AATK: variants seen among roughly 807,000 people sequenced by gnomAD.
AATK encodes lemur tail kinase 1, also known as serine/threonine-protein kinase LMTK1.
A neutral mutation model predicts 114.3 loss-of-function variants in AATK; 91 were observed. The observed-to-expected ratio is 0.80, with a 90% confidence interval of 0.67 to 0.95. The LOEUF (loss-of-function observed/expected upper bound fraction) is 0.95, where lower values mean the gene tolerates loss of function less well. Ranked by LOEUF, AATK falls within the 40% of genes least tolerant of loss-of-function variation. The pLI is 0.00. For synonymous variants in AATK, 1,075 were observed against 916.5 expected, an observed-to-expected ratio of 1.17 and a Z score of -3.12; for missense variants, 2,176 against 1,965.2, an observed-to-expected ratio of 1.11 and a Z score of -2.03.
rs1056728875 is a variant in AATK at position 81,166,084 on chromosome 17, G to A, written c.-92C>T. 5 of 884,368 alleles carry A rather than the reference G, an allele frequency of 5.7e-6. No homozygotes were observed. Among genetic ancestry groups the A allele is most frequent in the African/African-American group, 5.5e-5 (3 of 54,382 alleles). The allele number at this position is 884,368 out of a possible 1,614,324, so 54.8% of individuals were successfully genotyped here. A position where few individuals can be genotyped will look rare whatever the true frequency, so the allele number is the denominator to read the frequency against. ...CGAGCCGCCGCATCACCCAGCGGCC[G>A]CCGCAGGTGCGGAGCGCGCCGGCCC... On this transcript the variant is annotated 5_prime_UTR_variant, in exon 1 of 14. Transcript: ENST00000326724.
At chr17:81,137,920 G>GCGCA (rs78522931) in intron 1 of AATK, among the ~76,000 whole-genome samples, 1 of 150,518 alleles carries the variant, frequency 6.6e-6, no homozygotes, top group Non-Finnish European at 1.5e-5. Context: ...GGGCACACGT[G>GCGCA]CACACAGCCA....
At position 81,131,107 on chromosome 17, in the gene AATK, T is replaced by C; in HGVS notation, c.288A>G (p.Pro96=). 1.3e-6 allele frequency: 2 copies of C among 1,559,334 alleles called. No homozygotes were observed. The highest frequency in any genetic ancestry group is 1.4e-5 in the African/African-American group (1 of 73,556). ...AQNGPDVYVL[P]LTEVSLPMAK... ...CCATGGGCAAGGAGACCTCCGTGAGTGGCAGGACGTACACGTCGGGCCCGT... is the reference window on the plus strand; with the variant it reads ...CCATGGGCAAGGAGACCTCCGTGAGCGGCAGGACGTACACGTCGGGCCCGT... The change falls in exon 3 of 14, where the codon CCA becomes CCG. Residue 96 remains proline, a synonymous_variant. Coordinates refer to ENST00000326724, the MANE Select transcript of AATK (RefSeq NM_001080395.3).
intron 1 of AATK, among the ~76,000 whole-genome samples, chr17:81,140,899 A>AGCCGTGGG (rs1243744410): frequency 3.4e-4 from 14 of 41,372 alleles, no homozygotes; most frequent in South Asian, 1.0e-3. Context: ...GTGAGCTGTG[A>AGCCGTGGG]GCCGTGGGGC....
Position 81,122,702 on chromosome 17 carries a change from G to T in AATK, c.1234C>A (p.Arg412=). Reference sequence around the variant, plus strand: ...CCGGGCCGCAGAGAGCGCCAGCGCCGTTCAAACTCCTCCTCTGCTTCGGTG... The same window carrying T: ...CCGGGCCGCAGAGAGCGCCAGCGCCTTTCAAACTCCTCCTCTGCTTCGGTG... The part of the protein sequence containing the change: ...GATEAEEEFE[R]RWRSLRPGGG... Residue 412 remains arginine, a synonymous_variant, in exon 11 of 14, where the codon CGG becomes AGG. Coordinates refer to ENST00000326724, the MANE Select transcript of AATK (RefSeq NM_001080395.3). 5 of 1,571,076 alleles carry T rather than the reference G, an allele frequency of 3.2e-6. No homozygotes were observed. The highest frequency in any genetic ancestry group is 4.3e-6 in the Non-Finnish European group (5 of 1,158,940).
In AATK at chr17:81,122,320, G is replaced by A. The variant is rs1159505516; in HGVS notation, c.1616C>T (p.Pro539Leu). 2 of 1,510,388 alleles carry A rather than the reference G, an allele frequency of 1.3e-6. No individual in the cohort carries two copies. Among genetic ancestry groups the A allele is most frequent in the South Asian group, 2.4e-5 (2 of 82,212 alleles). The allele number at this position is 1,510,388 out of a possible 1,614,324, so 93.6% of individuals were successfully genotyped here. A position where few individuals can be genotyped will look rare whatever the true frequency, so the allele number is the denominator to read the frequency against. ...GCAGTCAGGGTCGTGGCCGGCGGCG[G>A]GTGCGGCCTCCTCTAGGCGGATGAA... is the stretch of plus-strand genomic sequence containing the variant. ...EYFIRLEEAA[P>L]AAGHDPDCAG... Residue 539 changes from proline to leucine, a missense_variant, in exon 11 of 14, where the codon CCC (proline) becomes CTC (leucine). Around this residue, in one of 4 missense-constraint regions of AATK, gnomAD observed 1,701 missense variants for 1,394.7 expected, o/e 1.22. Coordinates refer to ENST00000326724, the MANE Select transcript of AATK (RefSeq NM_001080395.3).
At chr17:81,159,592 G>A (rs951391235) in intron 1 of AATK, among the ~76,000 whole-genome samples, 14 of 152,154 alleles carry the variant, frequency 9.2e-5, no homozygotes, top group African/African-American at 3.4e-4. Context: ...AGAATCCGCA[G>A]GACCAAGTAC....
At chr17:81,156,224 C>T (rs149597113) in intron 1 of AATK, among the ~76,000 whole-genome samples, 4,964 of 148,854 alleles carry the variant, frequency 0.033, 147 homozygotes, top group Non-Finnish European at 0.047. Flanking sequence ...TACCATGTTA[C>T]AATGTATGTT....
intron 1 of AATK, among the ~76,000 whole-genome samples, chr17:81,139,419 C>A (rs2061088995): frequency 6.6e-6 from 1 of 152,086 alleles, no homozygotes; most frequent in South Asian, 2.1e-4. Flanking sequence ...AAACCCGTGC[C>A]CAGGAAGACA....
intron 1 of AATK, among the ~76,000 whole-genome samples, chr17:81,149,601 A>G (rs1034549967): frequency 2.0e-5 from 3 of 151,880 alleles, no homozygotes; most frequent in Non-Finnish European, 1.5e-5. Flanking sequence ...CCTAGATCAC[A>G]GCCACTTCTA....
chr17:81,138,110 GCACA>G (rs1167785627), intron 1 of AATK, among the ~76,000 whole-genome samples: 3 of 143,662 alleles, frequency 2.1e-5, no homozygotes, highest in East Asian at 4.2e-4. Flanking sequence ...ACATACGTGT[GCACA>G]CAGACATACC....
intron 12 of AATK, among the ~76,000 whole-genome samples, 170 bp from the exon 13 acceptor site, chr17:81,119,750 C>T (rs11869410): frequency 6.0e-5 from 9 of 151,124 alleles, no homozygotes; most frequent in African/African-American, 2.2e-4. Context: ...ACGGACAAGG[C>T]CCCGCCTTCC....
intron 1 of AATK, among the ~76,000 whole-genome samples, chr17:81,157,415 G>A (rs757055201): frequency 1.3e-5 from 2 of 152,166 alleles, no homozygotes; most frequent in Non-Finnish European, 2.9e-5. Flanking sequence ...CGCACACGCT[G>A]GCAGCCCCAA....
rs184555479 is a variant in AATK at position 81,161,556 on chromosome 17, G to A, written c.55+4382C>T. On this transcript the variant is annotated intron_variant, in intron 1 of 13. Transcript: ENST00000326724. ...ACAGGCAGGAGCACAGTTCCCAGGCGGCCGGGGTGGTGGGTGAGTGCAGAG... is the reference window on the plus strand; with the variant it reads ...ACAGGCAGGAGCACAGTTCCCAGGCAGCCGGGGTGGTGGGTGAGTGCAGAG... Among the ~76,000 whole-genome samples, 6 of 152,300 alleles carry A rather than the reference G, an allele frequency of 3.9e-5. No homozygotes were observed. The East Asian group carries it at 7.7e-4, about 20-fold the overall frequency.
chr17:81,128,449 C>A (rs950852172), intron 4 of AATK, 21 bp downstream of exon 4: 5 of 1,548,380 alleles, frequency 3.2e-6, no homozygotes, highest in Admixed American at 2.0e-5. Flanking sequence ...GGGAGTCCTC[C>A]CTCCCAGGCG....
chr17:81,151,223 G>A (rs1315593616), intron 1 of AATK, among the ~76,000 whole-genome samples: 1 of 152,028 alleles, frequency 6.6e-6, no homozygotes, highest in African/African-American at 2.4e-5. Flanking sequence ...TTTCCAGGTG[G>A]AGACACGGAA....
chr17:81,135,360 G>A lies in AATK; in HGVS notation c.56-859C>T, dbSNP rs117870337. 2.6e-4 allele frequency among the ~76,000 whole-genome samples: 39 copies of A among 152,200 alleles called. No individual in the cohort carries two copies. The East Asian group carries it at 7.2e-3, about 28-fold the overall frequency. On this transcript the variant is annotated intron_variant, in intron 1 of 13. Coordinates refer to ENST00000326724, the MANE Select transcript of AATK (RefSeq NM_001080395.3). The stretch of plus-strand genomic sequence containing the variant: ...TGGGCAGGGGAGGGCACACTGACCC[G>A]CTGGCTCTATCCCCTGGGCCTGCCC...
At chr17:81,128,674 A>T (rs1344034255) in intron 3 of AATK, 125 bp from the exon 4 acceptor site, 1 of 1,490,486 alleles carries the variant, frequency 6.7e-7, no homozygotes, top group Non-Finnish European at 9.0e-7. Context: ...CCCTAGCACC[A>T]GCTGGCAACC....
At chr17:81,159,337 G>A (rs141734995) in intron 1 of AATK, among the ~76,000 whole-genome samples, 2,170 of 152,236 alleles carry the variant, frequency 0.014, 25 homozygotes, top group Middle Eastern at 0.02. Flanking sequence ...GGGCGCCGGC[G>A]GCCTGCGAGT....
rs773859753 is a variant in AATK at position 81,121,135 on chromosome 17, G to A, written c.2801C>T (p.Ala934Val). The change falls in exon 11 of 14, where the codon GCG becomes GTG. Residue 934 changes from alanine to valine, a missense_variant. Physicochemically the swap from Ala to Val is moderately conservative, Grantham distance 64. Coordinates refer to ENST00000326724, the MANE Select transcript of AATK (RefSeq NM_001080395.3). ...ATGPSGGQPR[A>V]LDSGYDTENY... ...CTCGGTGTCATAGCCACTGTCCAGC[G>A]CTCGCGGCTGCCCTCCAGAGGGGCC... 3.5e-5 allele frequency: 56 copies of A among 1,604,646 alleles called. 1 individual carries two copies. Among genetic ancestry groups the A allele is most frequent in the South Asian group, 2.2e-5 (2 of 89,674 alleles).
Sources: allele counts gnomAD v4.1 joint callset (sites outside exome capture counted in the v4.1 genomes callset), GRCh38; gene constraint gnomAD v4.1.1; regional missense constraint gnomAD v4.1.1; transcripts MANE v1.5; gene names NCBI Gene and HGNC (gene_info 2026-07-23, HGNC 2026-07-21).